RALGPS2: variants seen among roughly 807,000 people sequenced by gnomAD.
The protein encoded by RALGPS2 is ras-specific guanine nucleotide-releasing factor RalGPS2.
Under a neutral mutation model 86.8 loss-of-function variants are expected in RALGPS2, and 43 were observed. The ratio of observed to expected loss-of-function variants is 0.50; its 90% CI spans 0.39 to 0.64. The LOEUF (loss-of-function observed/expected upper bound fraction) is 0.64. RALGPS2 is among the 30% of genes least tolerant of loss of function. The probability of loss-of-function intolerance (pLI) is 0.00; values close to 1 mark genes in which losing one functional copy is unlikely to be tolerated. For missense variants in RALGPS2, 536 were observed against 694.6 expected (o/e 0.77, Z 2.57); for synonymous variants, 243 against 231.3 (o/e 1.05, Z -0.46).
intron 18 of RALGPS2, among the ~76,000 whole-genome samples, chr1:178,905,116 A>G (rs1452882120): frequency 6.6e-6 from 1 of 151,826 alleles, no homozygotes; most frequent in African/African-American, 2.4e-5. Context: ...TTTGTTTTGC[A>G]GCTATTATAA....
intron 1 of RALGPS2, among the ~76,000 whole-genome samples, chr1:178,760,044 C>A (rs931444864): frequency 3.3e-5 from 5 of 152,042 alleles, no homozygotes; most frequent in African/African-American, 1.2e-4. Context: ...GATAGTTTTC[C>A]TTCTTCCTTT....
chr1:178,750,271 T>C (rs1651581970), intron 1 of RALGPS2, among the ~76,000 whole-genome samples: 1 of 152,258 alleles, frequency 6.6e-6, no homozygotes, highest in African/African-American at 2.4e-5. Context: ...GTTCTGCTTT[T>C]GGAGTGTGAA....
intron 8 of RALGPS2, among the ~76,000 whole-genome samples, chr1:178,863,217 A>T (rs1658153998): frequency 6.6e-6 from 1 of 152,152 alleles, no homozygotes. Flanking sequence ...AAAAGGGGAC[A>T]TGAGTAGAAT....
At chr1:178,814,456 A>C (rs1202741781) in intron 6 of RALGPS2, among the ~76,000 whole-genome samples, 2 of 152,082 alleles carry the variant, frequency 1.3e-5, no homozygotes, top group Non-Finnish European at 2.9e-5. Flanking sequence ...TTTTTTAGAC[A>C]GGATCTTGTT....
intron 4 of RALGPS2, among the ~76,000 whole-genome samples, chr1:178,791,612 A>G (rs527298676): frequency 6.6e-6 from 1 of 152,330 alleles, no homozygotes; most frequent in East Asian, 1.9e-4. Flanking sequence ...TCAGCTTTCA[A>G]TAATGTAGAC....
At chr1:178,886,260 TTAA>T (rs1405604236) in intron 13 of RALGPS2, 140 bp downstream of exon 13, 1 of 813,000 alleles carries the variant, frequency 1.2e-6, no homozygotes, top group African/African-American at 1.8e-5. Flanking sequence ...TGGGATGAAG[TTAA>T]TAATTTGTGA....
At chr1:178,725,547 C>A (rs888598540) in intron 1 of RALGPS2, 128 bp downstream of exon 1, 2 of 152,038 alleles carry the variant, frequency 1.3e-5, no homozygotes, top group South Asian at 2.0e-4. Context: ...CGGCCGCGGG[C>A]CCCGGGGCTG....
intron 19 of RALGPS2, among the ~76,000 whole-genome samples, chr1:178,907,637 T>C (rs1228974971): frequency 6.6e-6 from 1 of 152,224 alleles, no homozygotes; most frequent in Non-Finnish European, 1.5e-5. Flanking sequence ...TATAGAAATT[T>C]ATATAGACTT....
intron 6 of RALGPS2, among the ~76,000 whole-genome samples, chr1:178,821,183 A>G (rs367632808): frequency 6.6e-6 from 1 of 152,298 alleles, no homozygotes; most frequent in South Asian, 2.1e-4. Flanking sequence ...CCCTGGAATA[A>G]TGGGAGTACT....
At chr1:178,857,969 C>T (rs1188506318) in intron 8 of RALGPS2, among the ~76,000 whole-genome samples, 1 of 152,120 alleles carries the variant, frequency 6.6e-6, no homozygotes, top group Non-Finnish European at 1.5e-5. Flanking sequence ...TTTCATAAGA[C>T]TTCAATTATG....
chr1:178,755,653 T>C (rs1278398706), intron 1 of RALGPS2, among the ~76,000 whole-genome samples: 1 of 152,240 alleles, frequency 6.6e-6, no homozygotes, highest in Non-Finnish European at 1.5e-5. Context: ...GATGAACATA[T>C]GAGTGCGTGT....
chr1:178,893,732 T>A, intron 15 of RALGPS2, 187 bp from the exon 16 acceptor site: 1 of 448,568 alleles, frequency 2.2e-6, no homozygotes, highest in Non-Finnish European at 3.9e-6. Flanking sequence ...TTAATAACTT[T>A]CTAATCAACT....
At chr1:178,801,243 G>C (rs530110903) in intron 4 of RALGPS2, among the ~76,000 whole-genome samples, 1 of 152,098 alleles carries the variant, frequency 6.6e-6, no homozygotes, top group Non-Finnish European at 1.5e-5. Context: ...TCTTCTTTAT[G>C]TGCATATGTG....
chr1:178,885,096 C>G lies in RALGPS2; in HGVS notation c.925C>G (p.Pro309Ala). Residue 309 changes from proline to alanine, a missense_variant, in exon 12 of 20, where the codon CCA (proline) becomes GCA (alanine). By Grantham distance (27) the Pro-to-Ala change is conservative. This residue lies in a region of RALGPS2 where 309 missense variants were observed against 363.0 expected (regional missense o/e 0.85). Transcript: ENST00000367635. ...DLVGPEVGAS[P>A]QSGRKSVAAE... The stretch of plus-strand genomic sequence containing the variant: ...CTTAGGTCCTGAAGTAGGAGCGTCT[C>G]CACAGAGTGGACGAAAAAGTGTGGC... The G allele has an allele frequency of 6.2e-7, 1 of 1,607,164 alleles. No homozygotes were observed. The highest frequency in any genetic ancestry group is 8.5e-7 in the Non-Finnish European group (1 of 1,178,260).
intron 1 of RALGPS2, among the ~76,000 whole-genome samples, chr1:178,773,068 C>T (rs1652883229): frequency 6.6e-6 from 1 of 152,208 alleles, no homozygotes; most frequent in Non-Finnish European, 1.5e-5. Flanking sequence ...TTCCAAAGTG[C>T]TAGGATTACA....
intron 19 of RALGPS2, among the ~76,000 whole-genome samples, chr1:178,907,413 T>C (rs987198314): frequency 6.6e-6 from 1 of 152,244 alleles, no homozygotes; most frequent in Non-Finnish European, 1.5e-5. Flanking sequence ...ATTTGATCTA[T>C]TGACAATTTG....
chr1:178,834,649 T>C (rs1203797071), intron 8 of RALGPS2, among the ~76,000 whole-genome samples: 2 of 152,194 alleles, frequency 1.3e-5, no homozygotes, highest in Non-Finnish European at 2.9e-5. Flanking sequence ...TTGTCCTGTT[T>C]CTTTGATAAA....
At chr1:178,802,940 A>G (rs922627343) in intron 4 of RALGPS2, among the ~76,000 whole-genome samples, 3 of 152,162 alleles carry the variant, frequency 2.0e-5, no homozygotes, top group African/African-American at 7.2e-5. Context: ...AATTGTTGCA[A>G]ATCTTCAAGA....
Position 178,883,508 on chromosome 1 carries a change from T to TAAA in RALGPS2, c.879_880insAAA (p.Ser293_Ala294insLys), listed in dbSNP as rs1659348701. The TAAA allele has an allele frequency of 6.2e-7, 1 of 1,613,492 alleles. No individual in the cohort carries two copies. Among genetic ancestry groups the TAAA allele is most frequent in the Non-Finnish European group, 8.5e-7 (1 of 1,179,546 alleles). The stretch of plus-strand genomic sequence containing the variant: ...AACCAGGGACAAGCACCCCACGTTC[T>TAAA]GCTGCTTCCAGAGAAGATTTAGTAG... On this transcript the variant is annotated inframe_insertion, in exon 11 of 20. Transcript: ENST00000367635.
Sources: allele counts gnomAD v4.1 joint callset (sites outside exome capture counted in the v4.1 genomes callset), GRCh38; gene constraint gnomAD v4.1.1; regional missense constraint gnomAD v4.1.1; transcripts MANE v1.5; gene names NCBI Gene and HGNC (gene_info 2026-07-23, HGNC 2026-07-21).